The following CDK5R1 variants were observed in gnomAD, a reference collection of about 807,000 sequenced individuals.
The protein encoded by CDK5R1 is cyclin-dependent kinase 5 activator 1.
In CDK5R1, 1 loss-of-function variant was observed where a neutral mutation model predicts 19.0. That is an observed-to-expected ratio of 0.05 (90% CI 0.02 to 0.25). CDK5R1 has a LOEUF of 0.25. CDK5R1 is among the 10% of genes least tolerant of loss of function. The probability of loss-of-function intolerance (pLI) is 1.00; values close to 1 mark genes in which losing one functional copy is unlikely to be tolerated. For synonymous variants in CDK5R1, 225 were observed against 187.7 expected (o/e 1.20, Z -1.62); for missense variants, 314 against 401.0 (o/e 0.78, Z 1.85).
Position 32,488,829 on chromosome 17 carries a change from G to T in CDK5R1, c.*285G>T. ...TGCCCCTGCCGCCTGTGCCCTTGCT[G>T]GGTCCAGGGTAGGCAAGGCTGCCGG... On this transcript the variant is annotated 3_prime_UTR_variant, in exon 2 of 2. Coordinates refer to ENST00000313401, the MANE Select transcript of CDK5R1 (RefSeq NM_003885.3). The T allele has an allele frequency of 2.1e-6, 1 of 479,694 alleles. No homozygotes were observed. The highest frequency in any genetic ancestry group is 3.9e-6 in the Non-Finnish European group (1 of 259,028). 29.7% of individuals were successfully genotyped at this position (479,694 alleles called of 1,614,324 possible).
In CDK5R1 at chr17:32,489,259, C is replaced by T. The variant is rs1236586886; in HGVS notation, c.*715C>T. On this transcript the variant is annotated 3_prime_UTR_variant, in exon 2 of 2. Transcript: ENST00000313401. ...GAGCTGGTTTGACTCATTAATTTCTCTCAATTTGGGTCCCAGCTAAAGAGG... is the reference window on the plus strand; with the variant it reads ...GAGCTGGTTTGACTCATTAATTTCTTTCAATTTGGGTCCCAGCTAAAGAGG... The T allele has an allele frequency of 2.1e-6, 1 of 471,134 alleles. No individual in the cohort carries two copies. Among genetic ancestry groups the T allele is most frequent in the Non-Finnish European group, 4.4e-6 (1 of 227,054 alleles). The allele number at this position is 471,134 out of a possible 1,614,324, so 29.2% of individuals were successfully genotyped here. A position where few individuals can be genotyped will look rare whatever the true frequency, so the allele number is the denominator to read the frequency against.
rs781499965 is a variant in CDK5R1, at chr17:32,488,223, G to T, written c.603G>T (p.Val201=). ...AGGGCTTCATCACGCCGGCCAACGT[G>T]GTCTTCCTCTACATGCTCTGCAGGG... The part of the protein sequence containing the change: ...QDQGFITPAN[V]VFLYMLCRDV... The change falls in exon 2 of 2, where the codon GTG becomes GTT. Residue 201 remains valine (V), a synonymous_variant. Coordinates refer to ENST00000313401, the MANE Select transcript of CDK5R1 (RefSeq NM_003885.3). 5 of 1,613,962 alleles carry T rather than the reference G, an allele frequency of 3.1e-6. No homozygotes were observed. The highest frequency in any genetic ancestry group is 4.2e-6 in the Non-Finnish European group (5 of 1,180,030).
At position 32,488,266 on chromosome 17, in the gene CDK5R1, G is replaced by A. The variant is rs1908749641; in HGVS notation, c.646G>A (p.Val216Met). The change falls in exon 2 of 2, where the codon GTG becomes ATG. Residue 216 changes from valine (V) to methionine (M), a missense_variant. Transcript: ENST00000313401. ...MLCRDVISSEVGSDHELQAVL... is the reference protein window; with the variant it reads ...MLCRDVISSEMGSDHELQAVL... ...CTGCAGGGATGTTATCTCCTCCGAG[G>A]TGGGCTCGGATCACGAGCTCCAGGC... The A allele has an allele frequency of 1.4e-5, 23 of 1,614,086 alleles. No homozygotes were observed. The highest frequency in any genetic ancestry group is 1.9e-5 in the Non-Finnish European group (22 of 1,180,042).
chr17:32,487,020 G>A lies in CDK5R1; in HGVS notation c.-288G>A, dbSNP rs1908688471. On this transcript the variant is annotated 5_prime_UTR_variant, in exon 1 of 2. Coordinates refer to ENST00000313401, the MANE Select transcript of CDK5R1 (RefSeq NM_003885.3). The surrounding 1 kb of genome is among the most constrained non-coding windows in gnomAD (Gnocchi z 7.9). ...AAGCTCCCTAGCTGCCGCCGCCGCCGCCGCCGCCGTCGCCGCCGCCGAGCG... is the reference window on the plus strand; with the variant it reads ...AAGCTCCCTAGCTGCCGCCGCCGCCACCGCCGCCGTCGCCGCCGCCGAGCG... 2 of 154,974 alleles carry A rather than the reference G, an allele frequency of 1.3e-5. No homozygotes were observed. Among genetic ancestry groups the A allele is most frequent in the Non-Finnish European group, 2.7e-5 (2 of 72,866 alleles). The allele number at this position is 154,974 out of a possible 1,614,324, so 9.6% of individuals were successfully genotyped here. A position where few individuals can be genotyped will look rare whatever the true frequency, so the allele number is the denominator to read the frequency against.
chr17:32,489,776 C>T lies in CDK5R1; in HGVS notation c.*1232C>T, dbSNP rs190499902. 6 of 168,044 alleles carry T rather than the reference C, an allele frequency of 3.6e-5. No homozygotes were observed. The highest frequency in any genetic ancestry group is 1.3e-4 in the Admixed American group (2 of 15,444). 10.4% of individuals were successfully genotyped at this position (168,044 alleles called of 1,614,324 possible). ...TACTTTATTGATTTTCTTTCTAATTCTCCCGCATTGGTGGCTTGGGACTTG... is the reference window on the plus strand; with the variant it reads ...TACTTTATTGATTTTCTTTCTAATTTTCCCGCATTGGTGGCTTGGGACTTG... On this transcript the variant is annotated 3_prime_UTR_variant, in exon 2 of 2. Coordinates refer to ENST00000313401, the MANE Select transcript of CDK5R1 (RefSeq NM_003885.3).
Position 32,490,671 on chromosome 17 carries a change from T to TA in CDK5R1, c.*2136dup, listed in dbSNP as rs150720205. ...ATGAAGACTACTTTTAGATCAACAATAAAAAAAAACCTACAAAAAAACCTT... is the reference window on the plus strand; with the variant it reads ...ATGAAGACTACTTTTAGATCAACAATAAAAAAAAAACCTACAAAAAAACCTT... On this transcript the variant is annotated 3_prime_UTR_variant, in exon 2 of 2. Transcript: ENST00000313401. 41 of 166,090 alleles carry TA rather than the reference T, an allele frequency of 2.5e-4. No individual in the cohort carries two copies. Among genetic ancestry groups the TA allele is most frequent in the African/African-American group, 3.6e-4 (15 of 41,262 alleles). The allele number at this position is 166,090 out of a possible 1,614,324, so 10.3% of individuals were successfully genotyped here. A position where few individuals can be genotyped will look rare whatever the true frequency, so the allele number is the denominator to read the frequency against.
chr17:32,487,570 G>A lies in CDK5R1; in HGVS notation c.-51G>A, dbSNP rs752460520. The A allele has an allele frequency of 4.8e-5, 72 of 1,502,652 alleles. No individual in the cohort carries two copies. Among genetic ancestry groups the A allele is most frequent in the Non-Finnish European group, 6.3e-5 (70 of 1,106,626 alleles). 93.1% of individuals were successfully genotyped at this position (1,502,652 alleles called of 1,614,324 possible). A position where few individuals can be genotyped will look rare whatever the true frequency, so the allele number is the denominator to read the frequency against. On this transcript the variant is annotated 5_prime_UTR_variant, in exon 2 of 2. Transcript: ENST00000313401. The surrounding 1 kb of genome is among the most constrained non-coding windows in gnomAD (Gnocchi z 7.9). ...GTGAGCGGTTTTATCCCTCCGGCCG[G>A]CAGGCTGGGCGCGCAGGGGCGCGAG...
rs911592148 is a variant in CDK5R1 at position 32,490,680 on chromosome 17, A to C, written c.*2136A>C. ...ACTTTTAGATCAACAATAAAAAAAA[A>C]CCTACAAAAAAACCTTTATTCTTTA... On this transcript the variant is annotated 3_prime_UTR_variant, in exon 2 of 2. Coordinates refer to ENST00000313401, the MANE Select transcript of CDK5R1 (RefSeq NM_003885.3). 1 of 167,064 alleles carries C rather than the reference A, an allele frequency of 6.0e-6. No homozygotes were observed. Among genetic ancestry groups the C allele is most frequent in the Non-Finnish European group, 1.5e-5 (1 of 68,112 alleles). 10.3% of individuals were successfully genotyped at this position (167,064 alleles called of 1,614,324 possible). A position where few individuals can be genotyped will look rare whatever the true frequency, so the allele number is the denominator to read the frequency against.
At position 32,488,351 on chromosome 17, in the gene CDK5R1, C is replaced by T. The variant is rs1447890593; in HGVS notation, c.731C>T (p.Pro244Leu). The T allele has an allele frequency of 1.2e-6, 2 of 1,614,182 alleles. No individual in the cohort carries two copies. Among genetic ancestry groups the T allele is most frequent in the Admixed American group, 1.7e-5 (1 of 60,030 alleles). The change falls in exon 2 of 2, where the codon CCG becomes CTG. Residue 244 changes from proline (P) to leucine (L), a missense_variant. Coordinates refer to ENST00000313401, the MANE Select transcript of CDK5R1 (RefSeq NM_003885.3). The part of the protein sequence containing the change: ...YSYMGNEISY[P>L]LKPFLVESCK... ...TACATGGGCAACGAGATCTCCTACCCGCTCAAGCCCTTCCTGGTGGAGAGC... is the reference window on the plus strand; with the variant it reads ...TACATGGGCAACGAGATCTCCTACCTGCTCAAGCCCTTCCTGGTGGAGAGC...
chr17:32,488,371 G>A lies in CDK5R1; in HGVS notation c.751G>A (p.Glu251Lys). 6.2e-7 allele frequency: 1 copy of A among 1,613,958 alleles called. No individual in the cohort carries two copies. Among genetic ancestry groups the A allele is most frequent in the Non-Finnish European group, 8.5e-7 (1 of 1,180,002 alleles). The change falls in exon 2 of 2, where the codon GAG becomes AAG. Residue 251 changes from glutamate (E) to lysine (K), a missense_variant. Around this residue, in one of 3 missense-constraint regions of CDK5R1, gnomAD observed 106 missense variants for 132.1 expected, o/e 0.80. Coordinates refer to ENST00000313401, the MANE Select transcript of CDK5R1 (RefSeq NM_003885.3). ...ISYPLKPFLV[E>K]SCKEAFWDRC... ...CTACCCGCTCAAGCCCTTCCTGGTG[G>A]AGAGCTGCAAGGAGGCCTTTTGGGA...
At position 32,487,061 on chromosome 17, in the gene CDK5R1, CCCGCCGAGCG is replaced by C. The variant is rs1908691453; in HGVS notation, c.-244_-235del. 6.7e-6 allele frequency: 1 copy of C among 149,596 alleles called. No individual in the cohort carries two copies. Among genetic ancestry groups the C allele is most frequent in the Non-Finnish European group, 1.5e-5 (1 of 68,370 alleles). The allele number at this position is 149,596 out of a possible 1,614,324, so 9.3% of individuals were successfully genotyped here. A position where few individuals can be genotyped will look rare whatever the true frequency, so the allele number is the denominator to read the frequency against. ...CCGCCGAGCGCGAGCCCAGCCGATC[CCCGCCGAGCG>C]CCCCCGAGCGCCGCCGAGCGCCGGG... On this transcript the variant is annotated 5_prime_UTR_variant, in exon 1 of 2. Transcript: ENST00000313401. This position sits in a 1 kb window ranked among gnomAD's most constrained non-coding sequence, Gnocchi z 7.9.
At position 32,487,972 on chromosome 17, in the gene CDK5R1, C is replaced by A; in HGVS notation, c.352C>A (p.Gln118Lys). 6.2e-7 allele frequency: 1 copy of A among 1,613,264 alleles called. No homozygotes were observed. The highest frequency in any genetic ancestry group is 8.5e-7 in the Non-Finnish European group (1 of 1,179,918). Residue 118 changes from glutamine to lysine, a missense_variant, in exon 2 of 2, where the codon CAG becomes AAG. Gln to Lys is a moderately conservative substitution (Grantham distance 53, BLOSUM62 1). Coordinates refer to ENST00000313401, the MANE Select transcript of CDK5R1 (RefSeq NM_003885.3). This position sits in a 1 kb window ranked among gnomAD's most constrained non-coding sequence, Gnocchi z 7.9. Reference sequence around the variant, plus strand: ...CCCGGCCAGCCAGCTCTCGGGTTCCCAGACCGGGGGCTCCTCCTCAGTCAA... The same window carrying A: ...CCCGGCCAGCCAGCTCTCGGGTTCCAAGACCGGGGGCTCCTCCTCAGTCAA... The part of the protein sequence containing the change: ...APPASQLSGS[Q>K]TGGSSSVKKA...
In CDK5R1 at chr17:32,488,653, C is replaced by A. The variant is rs1293307046; in HGVS notation, c.*109C>A. On this transcript the variant is annotated 3_prime_UTR_variant, in exon 2 of 2. Coordinates refer to ENST00000313401, the MANE Select transcript of CDK5R1 (RefSeq NM_003885.3). ...CTAGCAAAGCCACCAAGGGCCTCAC[C>A]TTTCCCACAGTCTCTCCCTGGGGTT... 1 of 1,540,746 alleles carries A rather than the reference C, an allele frequency of 6.5e-7. No homozygotes were observed. The highest frequency in any genetic ancestry group is 2.4e-5 in the East Asian group (1 of 41,160).
rs897477403 is a variant in CDK5R1, at chr17:32,487,117, G to A, written c.-191G>A. 11 of 146,424 alleles carry A rather than the reference G, an allele frequency of 7.5e-5. No homozygotes were observed. The highest frequency in any genetic ancestry group is 2.7e-4 in the African/African-American group (11 of 40,776). The allele number at this position is 146,424 out of a possible 1,614,324, so 9.1% of individuals were successfully genotyped here. On this transcript the variant is annotated 5_prime_UTR_variant, in exon 1 of 2. Transcript: ENST00000313401. The surrounding 1 kb of genome is among the most constrained non-coding windows in gnomAD (Gnocchi z 7.9). The stretch of plus-strand genomic sequence containing the variant: ...CCGGGACCGCGGCGGCGGGGCCGCG[G>A]CGCGCATTGCGGAGGGCGCGGAGCG...
At position 32,487,740 on chromosome 17, in the gene CDK5R1, C is replaced by T. The variant is rs1416711883; in HGVS notation, c.120C>T (p.Asn40=). 2 of 1,614,088 alleles carry T rather than the reference C, an allele frequency of 1.2e-6. No homozygotes were observed. Among genetic ancestry groups the T allele is most frequent in the Admixed American group, 1.7e-5 (1 of 60,028 alleles). Residue 40 remains asparagine, a synonymous_variant, in exon 2 of 2, where the codon AAC becomes AAT. Coordinates refer to ENST00000313401, the MANE Select transcript of CDK5R1 (RefSeq NM_003885.3). The surrounding 1 kb of genome is among the most constrained non-coding windows in gnomAD (Gnocchi z 7.9). ...VQNSKNAKDK[N]LKRHSIISVL... ...ACAGCAAGAACGCCAAGGACAAGAA[C>T]CTGAAGCGCCACTCCATCATCTCCG... is the stretch of plus-strand genomic sequence containing the variant.
chr17:32,487,708 G>T lies in CDK5R1; in HGVS notation c.88G>T (p.Val30Leu). The change falls in exon 2 of 2, where the codon GTA becomes TTA. Residue 30 changes from valine to leucine, a missense_variant. Coordinates refer to ENST00000313401, the MANE Select transcript of CDK5R1 (RefSeq NM_003885.3). This position sits in a 1 kb window ranked among gnomAD's most constrained non-coding sequence, Gnocchi z 7.9. ...GGCCACCGTGGGCCACTATACGGCC[G>T]TACAGAACAGCAAGAACGCCAAGGA... is the stretch of plus-strand genomic sequence containing the variant. ...GAATVGHYTA[V>L]QNSKNAKDKN... 2 of 1,613,892 alleles carry T rather than the reference G, an allele frequency of 1.2e-6. No individual in the cohort carries two copies. Among genetic ancestry groups the T allele is most frequent in the Non-Finnish European group, 1.7e-6 (2 of 1,179,930 alleles).
chr17:32,488,793 A>C lies in CDK5R1; in HGVS notation c.*249A>C. 1.6e-6 allele frequency: 1 copy of C among 611,140 alleles called. No individual in the cohort carries two copies. The allele number at this position is 611,140 out of a possible 1,614,324, so 37.9% of individuals were successfully genotyped here. On this transcript the variant is annotated 3_prime_UTR_variant, in exon 2 of 2. Transcript: ENST00000313401. ...CTGACCTCCCACTTTGGGGAACTCA[A>C]AGGACTGACCTGCCCCTGCCGCCTG...
Position 32,487,811 on chromosome 17 carries a change from A to T in CDK5R1, c.191A>T (p.Asn64Ile). The T allele has an allele frequency of 6.2e-7, 1 of 1,614,012 alleles. No individual in the cohort carries two copies. Among genetic ancestry groups the T allele is most frequent in the South Asian group, 1.1e-5 (1 of 91,082 alleles). The change falls in exon 2 of 2, where the codon AAC becomes ATC. Residue 64 changes from asparagine to isoleucine, a missense_variant. Around this residue, in one of 3 missense-constraint regions of CDK5R1, gnomAD observed 197 missense variants for 230.2 expected, o/e 0.86. Coordinates refer to ENST00000313401, the MANE Select transcript of CDK5R1 (RefSeq NM_003885.3). The surrounding 1 kb of genome is among the most constrained non-coding windows in gnomAD (Gnocchi z 7.9). Reference protein sequence around the residue: ...RIVAVSAKKKNSKKVQPNSSY... With the variant: ...RIVAVSAKKKISKKVQPNSSY... ...GTGGCCGTGTCGGCCAAGAAGAAGA[A>T]CTCCAAGAAGGTGCAGCCCAACAGC...
Position 32,487,568 on chromosome 17 carries a change from C to A in CDK5R1, c.-53C>A. The A allele has an allele frequency of 1.3e-6, 2 of 1,493,008 alleles. No homozygotes were observed. The highest frequency in any genetic ancestry group is 1.4e-5 in the African/African-American group (1 of 71,888). 92.5% of individuals were successfully genotyped at this position (1,493,008 alleles called of 1,614,324 possible). On this transcript the variant is annotated 5_prime_UTR_variant, in exon 2 of 2. Coordinates refer to ENST00000313401, the MANE Select transcript of CDK5R1 (RefSeq NM_003885.3). This position sits in a 1 kb window ranked among gnomAD's most constrained non-coding sequence, Gnocchi z 7.9. ...CGGTGAGCGGTTTTATCCCTCCGGC[C>A]GGCAGGCTGGGCGCGCAGGGGCGCG...
Sources: gnomAD v4.1 joint callset for allele counts on GRCh38, gnomAD v4.1.1 for gene constraint, gnomAD v4.1.1 regional missense constraint, Gnocchi (gnomAD v3.1) non-coding constraint, MANE v1.5 for transcripts, NCBI Gene and HGNC (gene_info 2026-07-23, HGNC 2026-07-21) for gene names.